FNDC1: variants seen among roughly 807,000 people sequenced by gnomAD.
FNDC1 encodes the protein fibronectin type III domain containing 1, also known as fibronectin type III domain-containing protein 1.
A neutral mutation model predicts 168.0 loss-of-function variants in FNDC1; 96 were observed. That is an observed-to-expected ratio of 0.57 (90% CI 0.48 to 0.68). The LOEUF is 0.68. Among genes scored for constraint, FNDC1 ranks in the 30% least tolerant of loss-of-function variants. The pLI is 0.00. For synonymous variants in FNDC1, 1,099 were observed against 1,025.9 expected (o/e 1.07, Z -1.36); for missense variants, 2,587 against 2,482.1 (o/e 1.04, Z -0.90).
intron 1 of FNDC1, among the ~76,000 whole-genome samples, chr6:159,191,789 C>T (rs1782146575): frequency 6.6e-6 from 1 of 152,160 alleles, no homozygotes; most frequent in South Asian, 2.1e-4. Flanking sequence ...CAGTGCATTT[C>T]AAAGTTAAAA....
intron 22 of FNDC1, among the ~76,000 whole-genome samples, chr6:159,269,735 G>T (rs1777704189): frequency 6.6e-6 from 1 of 152,266 alleles, no homozygotes; most frequent in Non-Finnish European, 1.5e-5. Context: ...TGGAGATCCA[G>T]GGAAGAGCTG....
intron 4 of FNDC1, among the ~76,000 whole-genome samples, chr6:159,205,949 C>T (rs1782478578): frequency 6.6e-6 from 1 of 152,142 alleles, no homozygotes; most frequent in Admixed American, 6.5e-5. Flanking sequence ...AAGAAAGACT[C>T]ATCCCCAGTG....
Position 159,271,586 on chromosome 6 carries a change from G to A in FNDC1, c.*144G>A. On this transcript the variant is annotated 3_prime_UTR_variant, in exon 23 of 23. Transcript: ENST00000297267. ...TCATAGATGGACACTGGCCATTCTG[G>A]TCATCTCAGTCTGGAACTCAGTCCC... The A allele has an allele frequency of 1.6e-6, 1 of 626,192 alleles. No individual in the cohort carries two copies. The highest frequency in any genetic ancestry group is 2.4e-5 in the Admixed American group (1 of 40,898). 38.8% of individuals were successfully genotyped at this position (626,192 alleles called of 1,614,324 possible). A position where few individuals can be genotyped will look rare whatever the true frequency, so the allele number is the denominator to read the frequency against.
At position 159,197,644 on chromosome 6, in the gene FNDC1, T is replaced by C. The variant is rs752714643; in HGVS notation, c.304+19T>C. 6.3e-7 allele frequency: 1 copy of C among 1,592,788 alleles called. No homozygotes were observed. The highest frequency in any genetic ancestry group is 8.6e-7 in the Non-Finnish European group (1 of 1,167,222). On this transcript the variant is annotated intron_variant, in intron 2 of 22. Transcript: ENST00000297267. ...GATGTGGGTAAGTGACACTCTGATC[T>C]TGTTCCCAGTCAGAATTAACTGTGC...
chr6:159,176,548 C>A (rs540627923), intron 1 of FNDC1, among the ~76,000 whole-genome samples: 49 of 152,322 alleles, frequency 3.2e-4, no homozygotes, highest in African/African-American at 1.2e-3. Context: ...GGTCGAGGAA[C>A]AGACCCTGCT....
chr6:159,192,549 C>A (rs985838843), intron 1 of FNDC1, among the ~76,000 whole-genome samples: 1 of 152,206 alleles, frequency 6.6e-6, no homozygotes, highest in Admixed American at 6.5e-5. Context: ...AAGGATGATG[C>A]TGAACATCTA....
At chr6:159,261,635 G>T (rs932047091) in intron 19 of FNDC1, among the ~76,000 whole-genome samples, 11 of 152,236 alleles carry the variant, frequency 7.2e-5, no homozygotes, top group African/African-American at 2.7e-4. Flanking sequence ...CTGACAGGAA[G>T]TTGCCTTTCC....
intron 6 of FNDC1, among the ~76,000 whole-genome samples, chr6:159,223,200 G>A (rs888434063): frequency 6.6e-6 from 1 of 151,990 alleles, no homozygotes; most frequent in African/African-American, 2.4e-5. Flanking sequence ...GTTTCACTGT[G>A]TTAGCCAGGA....
chr6:159,169,771 C>A lies in FNDC1; in HGVS notation c.109+66C>A, dbSNP rs1457833070. 1.7e-6 allele frequency: 1 copy of A among 602,548 alleles called. No individual in the cohort carries two copies. Among genetic ancestry groups the A allele is most frequent in the Non-Finnish European group, 2.2e-6 (1 of 445,350 alleles). 37.3% of individuals were successfully genotyped at this position (602,548 alleles called of 1,614,324 possible). ...CGCGCACCCTCCTGCGCTCGGGCCC[C>A]GTCGTCCCGCTCAGTGCTGGCTACG... is the stretch of plus-strand genomic sequence containing the variant. On this transcript the variant is annotated intron_variant, in intron 1 of 22. Coordinates refer to ENST00000297267, the MANE Select transcript of FNDC1 (RefSeq NM_032532.3). The surrounding 1 kb of genome is among the most constrained non-coding windows in gnomAD (Gnocchi z 6.8).
In FNDC1 at chr6:159,261,269, G is replaced by A. The variant is rs1239186080; in HGVS notation, c.5254G>A (p.Asp1752Asn). The A allele has an allele frequency of 6.2e-7, 1 of 1,603,238 alleles. No individual in the cohort carries two copies. Among genetic ancestry groups the A allele is most frequent in the South Asian group, 1.1e-5 (1 of 90,170 alleles). The change falls in exon 19 of 23, where the codon GAT becomes AAT. Residue 1752 changes from aspartate (D) to asparagine (N), a missense_variant and splice_region_variant. Transcript: ENST00000297267. ...SPSVSFVTES[D>N]NPLLVVRPPG... ...TTCGGTCTCATTTGTCACCGAATCAGGTATGAATGACTTCACATTCTGATT... is the reference window on the plus strand; with the variant it reads ...TTCGGTCTCATTTGTCACCGAATCAAGTATGAATGACTTCACATTCTGATT...
In FNDC1 at chr6:159,267,891, C is replaced by T; in HGVS notation, c.5534C>T (p.Pro1845Leu). 6.2e-7 allele frequency: 1 copy of T among 1,612,530 alleles called. No homozygotes were observed. The change falls in exon 22 of 23, where the codon CCT becomes CTT. Residue 1845 changes from proline (P) to leucine (L), a missense_variant. Pro to Leu is a moderately conservative substitution (Grantham distance 98). Transcript: ENST00000297267. ...TCACACCTTGATGGAAGAACAGGGC[C>T]TCAGTCCTATGTAGAAGCCCTCCCT... is the stretch of plus-strand genomic sequence containing the variant. The part of the protein sequence containing the change: ...VDSHLDGRTG[P>L]QSYVEALPTI...
intron 2 of FNDC1, among the ~76,000 whole-genome samples, chr6:159,198,108 G>A (rs1037257869): frequency 6.6e-6 from 1 of 152,162 alleles, no homozygotes; most frequent in Admixed American, 6.5e-5. Context: ...ACTTTAACTT[G>A]ATTCTGGAGG....
At position 159,223,557 on chromosome 6, in the gene FNDC1, A is replaced by G. The variant is rs759115874; in HGVS notation, c.796A>G (p.Ile266Val). 6.2e-7 allele frequency: 1 copy of G among 1,613,656 alleles called. No homozygotes were observed. Among genetic ancestry groups the G allele is most frequent in the Non-Finnish European group, 8.5e-7 (1 of 1,179,700 alleles). ...GGACGAATTGGATGTACCTGACGAC[A>G]TCAGCGTCCGGGTTATGTCATCTCA... is the stretch of plus-strand genomic sequence containing the variant. Reference protein sequence around the residue: ...EEDELDVPDDISVRVMSSQSV... With the variant: ...EEDELDVPDDVSVRVMSSQSV... Residue 266 changes from isoleucine to valine, a missense_variant, in exon 7 of 23, where the codon ATC becomes GTC. Coordinates refer to ENST00000297267, the MANE Select transcript of FNDC1 (RefSeq NM_032532.3).
At chr6:159,174,731 G>T (rs1216722162) in intron 1 of FNDC1, among the ~76,000 whole-genome samples, 1 of 152,208 alleles carries the variant, frequency 6.6e-6, no homozygotes, top group Non-Finnish European at 1.5e-5. Context: ...AAATTGCCTA[G>T]ACCTGCAGCT....
intron 5 of FNDC1, among the ~76,000 whole-genome samples, chr6:159,219,116 C>T (rs2114972936): frequency 6.6e-6 from 1 of 151,956 alleles, no homozygotes; most frequent in Admixed American, 6.5e-5. Context: ...TCTCAGCTCA[C>T]TGCAACCTCC....
At chr6:159,262,424 G>A (rs991519387) in intron 19 of FNDC1, among the ~76,000 whole-genome samples, 6 of 152,164 alleles carry the variant, frequency 3.9e-5, no homozygotes, top group Admixed American at 3.3e-4. Flanking sequence ...CCTCAAACAT[G>A]TTTTCATCTG....
In FNDC1 at chr6:159,234,265, C is replaced by T. The variant is rs1257815185; in HGVS notation, c.3753C>T (p.Ser1251=). 2.5e-6 allele frequency: 4 copies of T among 1,594,288 alleles called. No homozygotes were observed. Among genetic ancestry groups the T allele is most frequent in the African/African-American group, 1.3e-5 (1 of 74,492 alleles). ...CTCTCCCCCCACCTCCAGGCAGCTC[C>T]CCCAGGGCCTCCCACGTCCCTTCCC... ...KRPLPPPPGS[S]PRASHVPSRL... is the part of the protein sequence containing the mutation. Residue 1251 remains serine (S), a synonymous_variant, in exon 11 of 23, where the codon TCC becomes TCT. Transcript: ENST00000297267.
At chr6:159,261,949 T>A (rs572954492) in intron 19 of FNDC1, among the ~76,000 whole-genome samples, 40 of 38,190 alleles carry the variant, frequency 1.0e-3, no homozygotes, top group Middle Eastern at 0.025. Context: ...AAAAAAAAAA[T>A]TTTTTTTAAT....
rs377688911 is a variant in FNDC1 at position 159,266,075 on chromosome 6, G to T, written c.5285-9G>T. ...CTTACCCTTAGCAGGTGTGTTTTGT[G>T]TTGTCAAGGCGGTGAGCCTATCTGG... On this transcript the variant is annotated splice_polypyrimidine_tract_variant and intron_variant, in intron 20 of 22. Transcript: ENST00000297267. The T allele has an allele frequency of 5.3e-5, 86 of 1,613,316 alleles. No homozygotes were observed. Among genetic ancestry groups the T allele is most frequent in the Non-Finnish European group, 7.0e-5 (82 of 1,179,640 alleles).
Sources: allele counts gnomAD v4.1 joint callset (sites outside exome capture counted in the v4.1 genomes callset), GRCh38; gene constraint gnomAD v4.1.1; non-coding constraint Gnocchi (gnomAD v3.1); transcripts MANE v1.5; gene names NCBI Gene and HGNC (gene_info 2026-07-23, HGNC 2026-07-21).